The following OTUD4 variants were observed in gnomAD, a reference collection of about 807,000 sequenced individuals.
OTUD4 encodes OTU deubiquitinase 4.
OTUD4 carries 24 observed loss-of-function variants against 130.4 expected under a neutral mutation model. That is an observed-to-expected ratio of 0.18 (90% CI 0.13 to 0.26). The LOEUF (loss-of-function observed/expected upper bound fraction) is 0.26, where lower values mean the gene tolerates loss of function less well. Among genes scored for constraint, OTUD4 ranks in the 10% least tolerant of loss-of-function variants. The pLI is 1.00. For synonymous variants in OTUD4, 420 were observed against 472.5 expected, an observed-to-expected ratio of 0.89 and a Z score of 1.44; for missense variants, 1,031 against 1,329.4, an observed-to-expected ratio of 0.78 and a Z score of 3.49.
chr4:145,145,471 T>C (rs1354842725), intron 14 of OTUD4, among the ~76,000 whole-genome samples: 1 of 152,126 alleles, frequency 6.6e-6, no homozygotes, highest in Non-Finnish European at 1.5e-5. Flanking sequence ...AAGACACACC[T>C]GAGTGTGTGG....
Position 145,142,301 on chromosome 4 carries a change from C to G in OTUD4, c.1717G>C (p.Ala573Pro), listed in dbSNP as rs747435295. ...ACCTCTGGAGAAACTAGAAGGGGAG[C>G]TGGATTTGACAAAGACACATGTTCT... The part of the protein sequence containing the change: ...PAEHVSLSNP[A>P]PLLVSPEVHL... Residue 573 changes from alanine to proline, a missense_variant, in exon 18 of 21, where the codon GCT becomes CCT. This residue lies in a region of OTUD4 where 900 missense variants were observed against 1,095.9 expected (regional missense o/e 0.82). Transcript: ENST00000447906. 1.7e-5 allele frequency: 27 copies of G among 1,613,918 alleles called. No individual in the cohort carries two copies. Among genetic ancestry groups the G allele is most frequent in the East Asian group, 4.5e-5 (2 of 44,880 alleles).
intron 11 of OTUD4, 49 bp from the exon 12 acceptor site, chr4:145,150,954 T>A (rs776600547): frequency 9.1e-7 from 1 of 1,103,370 alleles, no homozygotes; most frequent in South Asian, 1.6e-5. Context: ...CTAGTAAGAA[T>A]AGTTAAATAT....
At position 145,137,391 on chromosome 4, in the gene OTUD4, C is replaced by T. The variant is rs370709729; in HGVS notation, c.*39G>A. ...TTTTAAAGCCTTCAGAAACATTCCA[C>T]CTAAGAGTTTCTGTTAGAAAATACT... is the stretch of plus-strand genomic sequence containing the variant. On this transcript the variant is annotated 3_prime_UTR_variant, in exon 21 of 21. Transcript: ENST00000447906. 1.3e-5 allele frequency: 20 copies of T among 1,522,908 alleles called. No homozygotes were observed. In the East Asian group the frequency reaches 1.6e-4, roughly 12 times the overall value. The allele number at this position is 1,522,908 out of a possible 1,614,324, so 94.3% of individuals were successfully genotyped here.
At chr4:145,166,689 AC>A in intron 3 of OTUD4, among the ~76,000 whole-genome samples, 2 of 152,104 alleles carry the variant, frequency 1.3e-5, no homozygotes, top group Non-Finnish European at 2.9e-5. Flanking sequence ...AAAATACAAA[AC>A]ATTAGTCGGG....
In OTUD4 at chr4:145,139,980, G is replaced by A. The variant is rs185823385; in HGVS notation, c.2095C>T (p.Leu699Phe). The change falls in exon 20 of 21, where the codon CTT (leucine) becomes TTT (phenylalanine). Residue 699 changes from leucine (L) to phenylalanine (F), a missense_variant. Coordinates refer to ENST00000447906, the MANE Select transcript of OTUD4 (RefSeq NM_001366057.1). ...GEDLPKDKNI[L>F]RFFFNLGVKA... ...ACACCAAGATTGAAGAAGAATCGAA[G>A]AATATTCTTATCTAAAAATAAAAGT... The A allele has an allele frequency of 5.9e-5, 48 of 813,534 alleles. No homozygotes were observed. In the Admixed American group the frequency reaches 6.3e-4, roughly 11 times the overall value. 50.4% of individuals were successfully genotyped at this position (813,534 alleles called of 1,614,324 possible). A position where few individuals can be genotyped will look rare whatever the true frequency, so the allele number is the denominator to read the frequency against.
In OTUD4 at chr4:145,174,722, T is replaced by C; in HGVS notation, c.182A>G (p.His61Arg). Reference sequence around the variant, plus strand: ...AATACAGGCCATTCTGACTTCAACATGGCGAGACTGAGAGTGCAATACCTA... The same window carrying C: ...AATACAGGCCATTCTGACTTCAACACGGCGAGACTGAGAGTGCAATACCTA... ...AEQVLHSQSR[H>R]VEVRMACIHY... The change falls in exon 2 of 21, where the codon CAT becomes CGT. Residue 61 changes from histidine to arginine, a missense_variant. His to Arg is a conservative substitution (Grantham distance 29). Around this residue, in one of 3 missense-constraint regions of OTUD4, gnomAD observed 77 missense variants for 172.9 expected, o/e 0.45. Transcript: ENST00000447906. 1 of 1,608,180 alleles carries C rather than the reference T, an allele frequency of 6.2e-7. No homozygotes were observed. Among genetic ancestry groups the C allele is most frequent in the Non-Finnish European group, 8.5e-7 (1 of 1,174,672 alleles).
In OTUD4 at chr4:145,159,913, C is replaced by T. The variant is rs1386545507; in HGVS notation, c.497-278G>A. 2.0e-5 allele frequency among the ~76,000 whole-genome samples: 3 copies of T among 152,306 alleles called. No individual in the cohort carries two copies. In the South Asian group the frequency reaches 6.2e-4, roughly 32 times the overall value. On this transcript the variant is annotated intron_variant, in intron 6 of 20. Coordinates refer to ENST00000447906, the MANE Select transcript of OTUD4 (RefSeq NM_001366057.1). ...ACAAAAAGGTATCACAACTGTGAAA[C>T]AAGTAGGACAACAGGAAAAGCCAAA...
At chr4:145,153,220 T>G (rs2126765961) in intron 10 of OTUD4, among the ~76,000 whole-genome samples, 1 of 152,324 alleles carries the variant, frequency 6.6e-6, no homozygotes, top group East Asian at 1.9e-4. Flanking sequence ...TTTTCTAAAT[T>G]GTTCAAAAAG....
chr4:145,148,161 G>A (rs17019912), intron 13 of OTUD4, among the ~76,000 whole-genome samples: 2 of 152,080 alleles, frequency 1.3e-5, no homozygotes, highest in Non-Finnish European at 2.9e-5. Flanking sequence ...ACATAAAAAA[G>A]GATCCTAATA....
At chr4:145,179,761 C>A in intron 1 of OTUD4, 54 bp downstream of exon 1, 1 of 1,439,016 alleles carries the variant, frequency 6.9e-7, no homozygotes, top group Non-Finnish European at 9.2e-7. Context: ...CCACCCAGAC[C>A]CGCCGGGCCG....
At chr4:145,143,102 T>C (rs1750643380) in intron 17 of OTUD4, among the ~76,000 whole-genome samples, 1 of 152,174 alleles carries the variant, frequency 6.6e-6, no homozygotes, top group Non-Finnish European at 1.5e-5. Flanking sequence ...CGATAACAAA[T>C]ATAAATATAT....
In OTUD4 at chr4:145,141,825, A is replaced by C. The variant is rs566754075; in HGVS notation, c.1823-186T>G. 2.0e-5 allele frequency among the ~76,000 whole-genome samples: 3 copies of C among 152,278 alleles called. No homozygotes were observed. In the South Asian group the frequency reaches 6.2e-4, roughly 32 times the overall value. ...ACGTCCAGGATACAAGCTCTGAGTC[A>C]ATGTCTTCTAATAGTAGCTCTTGCA... On this transcript the variant is annotated intron_variant, in intron 18 of 20. Coordinates refer to ENST00000447906, the MANE Select transcript of OTUD4 (RefSeq NM_001366057.1).
At chr4:145,179,713 C>G in intron 1 of OTUD4, 102 bp downstream of exon 1, 3 of 1,422,116 alleles carry the variant, frequency 2.1e-6, no homozygotes, top group Non-Finnish European at 2.7e-6. Flanking sequence ...ACGCGCAGCC[C>G]CGGCCGTGGG....
At chr4:145,149,052 T>C (rs189595154) in intron 13 of OTUD4, among the ~76,000 whole-genome samples, 7 of 152,326 alleles carry the variant, frequency 4.6e-5, no homozygotes, top group South Asian at 4.1e-4. Context: ...TCCTAATCTC[T>C]AGTACCTGTG....
intron 20 of OTUD4, among the ~76,000 whole-genome samples, chr4:145,138,945 C>G (rs910758584): frequency 6.6e-6 from 1 of 152,166 alleles, no homozygotes. Context: ...CATTCACATT[C>G]GGGCTCTACC....
intron 6 of OTUD4, among the ~76,000 whole-genome samples, chr4:145,161,557 A>G (rs148136732): frequency 1.4e-3 from 220 of 152,330 alleles, no homozygotes; most frequent in African/African-American, 5.0e-3. Context: ...CTGCTCTTCT[A>G]CAGCAGGAAT....
chr4:145,166,138 G>A (rs1268530896), intron 3 of OTUD4, among the ~76,000 whole-genome samples: 5 of 150,958 alleles, frequency 3.3e-5, no homozygotes, highest in Admixed American at 2.0e-4. Flanking sequence ...TCCAGCCTGG[G>A]CAACAAGAGC....
chr4:145,155,703 A>G lies in OTUD4; in HGVS notation c.691-17T>C, dbSNP rs1262271343. On this transcript the variant is annotated splice_polypyrimidine_tract_variant and intron_variant, in intron 8 of 20. Coordinates refer to ENST00000447906, the MANE Select transcript of OTUD4 (RefSeq NM_001366057.1). The stretch of plus-strand genomic sequence containing the variant: ...CTTCAGCTGCTAAACAAAGTCAGGA[A>G]GTCCAATCAACACATAAGTGCTTTT... The G allele has an allele frequency of 2.0e-6, 3 of 1,494,122 alleles. No individual in the cohort carries two copies. In the South Asian group the frequency reaches 3.6e-5, roughly 18 times the overall value. 92.6% of individuals were successfully genotyped at this position (1,494,122 alleles called of 1,614,324 possible). A position where few individuals can be genotyped will look rare whatever the true frequency, so the allele number is the denominator to read the frequency against.
At position 145,146,682 on chromosome 4, in the gene OTUD4, CAA is replaced by C. The variant is rs1469463760; in HGVS notation, c.1260-255_1260-254del. On this transcript the variant is annotated intron_variant, in intron 13 of 20. Coordinates refer to ENST00000447906, the MANE Select transcript of OTUD4 (RefSeq NM_001366057.1). ...CCTACCTTACAGAGAGTCAAGAAGA[CAA>C]ACAGCAATGGGAGGTAGAGGGGAAA... 4.0e-5 allele frequency among the ~76,000 whole-genome samples: 6 copies of C among 151,796 alleles called. 1 individual carries two copies. Among genetic ancestry groups the C allele is most frequent in the African/African-American group, 7.3e-5 (3 of 41,370 alleles).
Sources: allele counts gnomAD v4.1 joint callset (sites outside exome capture counted in the v4.1 genomes callset), GRCh38; gene constraint gnomAD v4.1.1; regional missense constraint gnomAD v4.1.1; transcripts MANE v1.5; gene names NCBI Gene and HGNC (gene_info 2026-07-23, HGNC 2026-07-21).